SPEG: variants seen among roughly 807,000 people sequenced by gnomAD.
The protein encoded by SPEG is striated muscle enriched protein kinase.
SPEG carries 114 observed loss-of-function variants against 300.4 expected under a neutral mutation model. The observed-to-expected ratio is 0.38, with a 90% CI of 0.33 to 0.44. The LOEUF (loss-of-function observed/expected upper bound fraction) is 0.44, where lower values mean the gene tolerates loss of function less well. Ranked by LOEUF, SPEG falls within the 20% of genes least tolerant of loss-of-function variation. SPEG has a pLI of 1.00. For synonymous variants in SPEG, 1,964 were observed against 2,018.9 expected (o/e 0.97, Z 0.73); for missense variants, 4,201 against 4,586.2 (o/e 0.92, Z 2.43).
rs56132883 is a variant in SPEG, at chr2:219,489,643, C to T, written c.8625C>T (p.Phe2875=). 0.26 allele frequency: 419,221 copies of T among 1,613,708 alleles called. 56,808 individuals are homozygous for T. The highest frequency in any genetic ancestry group is 0.44 in the South Asian group (39,966 of 91,056). ...THVTPSEPKP[F]VLDTGTPIPA... is the part of the protein sequence containing the mutation. ...TCACCCCAAGTGAGCCCAAGCCTTTCGTCCTTGACACTGGGACCCCGATCC... is the reference window on the plus strand; with the variant it reads ...TCACCCCAAGTGAGCCCAAGCCTTTTGTCCTTGACACTGGGACCCCGATCC... Residue 2875 remains phenylalanine (F), a synonymous_variant, in exon 36 of 41, where the codon TTC becomes TTT. Transcript: ENST00000312358.
Position 219,464,664 on chromosome 2 carries a change from C to T in SPEG, c.2881+56C>T. On this transcript the variant is annotated intron_variant, in intron 9 of 40. Transcript: ENST00000312358. This position sits in a 1 kb window ranked among gnomAD's most constrained non-coding sequence, Gnocchi z 4.5. ...CCTGGCCCTGGCCCCTTCCTTCCCC[C>T]ACTGTCTGCTCTCACACAGCCTCAG... 6.4e-7 allele frequency: 1 copy of T among 1,557,388 alleles called. No homozygotes were observed. The highest frequency in any genetic ancestry group is 8.8e-7 in the Non-Finnish European group (1 of 1,133,822).
Position 219,481,831 on chromosome 2 carries a change from G to A in SPEG, c.5565+151G>A. The A allele has an allele frequency of 1.3e-6, 1 of 753,736 alleles. No homozygotes were observed. Among genetic ancestry groups the A allele is most frequent in the South Asian group, 1.6e-5 (1 of 64,138 alleles). 46.7% of individuals were successfully genotyped at this position (753,736 alleles called of 1,614,324 possible). A position where few individuals can be genotyped will look rare whatever the true frequency, so the allele number is the denominator to read the frequency against. On this transcript the variant is annotated intron_variant, in intron 28 of 40. Transcript: ENST00000312358. The surrounding 1 kb of genome is among the most constrained non-coding windows in gnomAD (Gnocchi z 5.4). ...ATTAGCCTCACAATAGCTTTGCAAAGGAAGGCATTATTAGTCCCATTTTGT... is the reference window on the plus strand; with the variant it reads ...ATTAGCCTCACAATAGCTTTGCAAAAGAAGGCATTATTAGTCCCATTTTGT...
rs1169654738 is a variant in SPEG at position 219,467,171 on chromosome 2, C to A, written c.2882-3C>A. ...GTGGCCCCCGTGGCTGCTTTCCCCT[C>A]AGCACACCCTGAAAGCCGGTCCCTG... On this transcript the variant is annotated splice_region_variant and splice_polypyrimidine_tract_variant and intron_variant, in intron 9 of 40. Transcript: ENST00000312358. 2 of 1,570,718 alleles carry A rather than the reference C, an allele frequency of 1.3e-6. No homozygotes were observed. The highest frequency in any genetic ancestry group is 1.2e-5 in the South Asian group (1 of 86,210).
In SPEG at chr2:219,489,574, G is replaced by A. The variant is rs756182662; in HGVS notation, c.8556G>A (p.Leu2852=). The change falls in exon 36 of 41, where the codon CTG becomes CTA. Residue 2852 remains leucine (L), a synonymous_variant. Transcript: ENST00000312358. ...PQTPPRRHRG[L]QAARPAEPTL... ...CCCCTCCACGAAGACACAGGGGCCT[G>A]CAGGCTGCCCGGCCAGCGGAGCCCA... 8.7e-6 allele frequency: 14 copies of A among 1,613,420 alleles called. No homozygotes were observed. The highest frequency in any genetic ancestry group is 1.2e-5 in the Non-Finnish European group (14 of 1,179,892).
intron 6 of SPEG, chr2:219,461,186 G>A: frequency 1.0e-6 from 1 of 982,864 alleles, no homozygotes; most frequent in Non-Finnish European, 1.2e-6. Context: ...GGCTGACTCT[G>A]GTGCCCCCCT....
chr2:219,492,155 C>T lies in SPEG; in HGVS notation c.9506C>T (p.Thr3169Met), dbSNP rs61740202. The change falls in exon 40 of 41, where the codon ACG becomes ATG. Residue 3169 changes from threonine to methionine, a missense_variant. Coordinates refer to ENST00000312358, the MANE Select transcript of SPEG (RefSeq NM_005876.5). ...TTCTATGAGCCAGACCCCCAGGAAA[C>T]GGAGGCTCGGATTGTGGGGGGCCGC... ...SPFYEPDPQE[T>M]EARIVGGRFD... 2,328 of 1,613,694 alleles carry T rather than the reference C, an allele frequency of 1.4e-3. 22 individuals are homozygous for T. In the African/African-American group the frequency reaches 0.025, roughly 17 times the overall value.
In SPEG at chr2:219,483,554, G is replaced by A. The variant is rs1448813549; in HGVS notation, c.6091G>A (p.Gly2031Ser). 3.5e-6 allele frequency: 5 copies of A among 1,434,766 alleles called. No individual in the cohort carries two copies. The highest frequency in any genetic ancestry group is 1.5e-5 in the South Asian group (1 of 68,096). The allele number at this position is 1,434,766 out of a possible 1,614,324, so 88.9% of individuals were successfully genotyped here. Residue 2031 changes from glycine to serine, a missense_variant, in exon 30 of 41, where the codon GGC (glycine) becomes AGC (serine). By Grantham distance (56) the Gly-to-Ser change is moderately conservative. Around this residue, in one of 4 missense-constraint regions of SPEG, gnomAD observed 1,578 missense variants for 1,506.0 expected, o/e 1.05. Transcript: ENST00000312358. The stretch of plus-strand genomic sequence containing the variant: ...GGCCGGGCCGCGGGAGCTGGGCCGG[G>A]GCCTGCACAAGGCGGCGTCTGTGGA... ...PRAGPRELGR[G>S]LHKAASVELP...
intron 6 of SPEG, chr2:219,461,570 T>A: frequency 8.4e-7 from 1 of 1,194,460 alleles, no homozygotes; most frequent in Non-Finnish European, 1.1e-6. Flanking sequence ...CCTGCTCCAG[T>A]GGAATTCTCC....
rs368177870 is a variant in SPEG at position 219,488,888 on chromosome 2, C to T, written c.8137C>T (p.Arg2713Trp). ...GGCACCTTGCACGTATACGCTGGAG[C>T]GGCGAGTGGATGGTGAGGATGGGGC... is the stretch of plus-strand genomic sequence containing the variant. ...SRAPCTYTLE[R>W]RVDGESVWHP... The change falls in exon 34 of 41, where the codon CGG becomes TGG. Residue 2713 changes from arginine (R) to tryptophan (W), a missense_variant. By Grantham distance (101) the Arg-to-Trp change is moderately radical (BLOSUM62 -3). This residue lies in a region of SPEG where 1,578 missense variants were observed against 1,506.0 expected (regional missense o/e 1.05). Transcript: ENST00000312358. The T allele has an allele frequency of 2.3e-5, 37 of 1,583,530 alleles. No individual in the cohort carries two copies. Among genetic ancestry groups the T allele is most frequent in the Middle Eastern group, 1.7e-4 (1 of 5,768 alleles).
At position 219,492,207 on chromosome 2, in the gene SPEG, T is replaced by A. The variant is rs747873110; in HGVS notation, c.9558T>A (p.Asn3186Lys). 6.2e-7 allele frequency: 1 copy of A among 1,613,660 alleles called. No individual in the cohort carries two copies. The highest frequency in any genetic ancestry group is 2.2e-5 in the East Asian group (1 of 44,862). ...GRFDAFQLYP[N>K]TSQSATLFLR... The stretch of plus-strand genomic sequence containing the variant: ...TTGATGCCTTCCAGCTGTACCCCAA[T>A]ACATCCCAGAGCGCCACCCTCTTCT... Residue 3186 changes from asparagine to lysine, a missense_variant, in exon 40 of 41, where the codon AAT becomes AAA. Physicochemically the swap from Asn to Lys is moderately conservative, Grantham distance 94. Around this residue, in one of 4 missense-constraint regions of SPEG, gnomAD observed 318 missense variants for 429.5 expected, o/e 0.74. Transcript: ENST00000312358.
chr2:219,457,442 G>A (rs1320026467), intron 6 of SPEG, among the ~76,000 whole-genome samples: 1 of 152,210 alleles, frequency 6.6e-6, no homozygotes, highest in Non-Finnish European at 1.5e-5. Flanking sequence ...AATTAGCCAG[G>A]TGTGGTTGTG....
Position 219,472,953 on chromosome 2 carries a change from T to A in SPEG, c.4004T>A (p.Leu1335Gln). 1.2e-6 allele frequency: 2 copies of A among 1,613,758 alleles called. No individual in the cohort carries two copies. The highest frequency in any genetic ancestry group is 1.7e-6 in the Non-Finnish European group (2 of 1,179,986). The change falls in exon 16 of 41, where the codon CTG (leucine) becomes CAG (glutamine). Residue 1335 changes from leucine (L) to glutamine (Q), a missense_variant. Physicochemically the swap from Leu to Gln is moderately radical, Grantham distance 113. Coordinates refer to ENST00000312358, the MANE Select transcript of SPEG (RefSeq NM_005876.5). ...CTGGGCTCGGACCAGTGGACGGCAC[T>A]GGTCACAGGCCTGCGGGAGCCAGGG... ...QVLGSDQWTA[L>Q]VTGLREPGWA...
At chr2:219,460,335 G>A in intron 6 of SPEG, 1 of 985,436 alleles carries the variant, frequency 1.0e-6, no homozygotes. Flanking sequence ...CCCTGGCTCT[G>A]TAGTATTTGA....
At position 219,471,907 on chromosome 2, in the gene SPEG, C is replaced by G; in HGVS notation, c.3755C>G (p.Pro1252Arg). The change falls in exon 14 of 41, where the codon CCT (proline) becomes CGT (arginine). Residue 1252 changes from proline to arginine, a missense_variant. By Grantham distance (103) the Pro-to-Arg change is moderately radical (BLOSUM62 -2). This residue lies in a region of SPEG where 1,047 missense variants were observed against 1,356.8 expected (regional missense o/e 0.77). Transcript: ENST00000312358. ...CGCTTGGTGTTCCCTGCCGTGGGGC[C>G]TCAGCACGCCGGTGTCTACAAGAGC... Reference protein sequence around the residue: ...VHRLVFPAVGPQHAGVYKSVI... With the variant: ...VHRLVFPAVGRQHAGVYKSVI... 1.2e-6 allele frequency: 2 copies of G among 1,614,108 alleles called. No homozygotes were observed. Among genetic ancestry groups the G allele is most frequent in the South Asian group, 2.2e-5 (2 of 91,086 alleles).
At chr2:219,460,709 T>C in intron 6 of SPEG, 1 of 984,154 alleles carries the variant, frequency 1.0e-6, no homozygotes. Context: ...GGGCCCAGGC[T>C]GCCTGTGGTC....
rs749904614 is a variant in SPEG at position 219,477,677 on chromosome 2, T to C, written c.4730-12T>C. On this transcript the variant is annotated splice_polypyrimidine_tract_variant and intron_variant, in intron 20 of 40. Coordinates refer to ENST00000312358, the MANE Select transcript of SPEG (RefSeq NM_005876.5). This position sits in a 1 kb window ranked among gnomAD's most constrained non-coding sequence, Gnocchi z 6.4. ...TCCCCTCCCACCTAACACCATGACA[T>C]CTCTGCCCCAGCTCAGACAGCTATG... 6.4e-7 allele frequency: 1 copy of C among 1,558,206 alleles called. No homozygotes were observed. The highest frequency in any genetic ancestry group is 1.9e-5 in the Admixed American group (1 of 53,830).
rs1691467891 is a variant in SPEG at position 219,467,388 on chromosome 2, T to G, written c.3096T>G (p.His1032Gln). The change falls in exon 10 of 41, where the codon CAT becomes CAG. Residue 1032 changes from histidine to glutamine, a missense_variant. Transcript: ENST00000312358. ...GCAAGCTGCTACTTACATCTGTACA[T>G]GAGGACGACAGTGGCGTCTACACCT... ...RKCKLLLTSV[H>Q]EDDSGVYTCK... 6.2e-7 allele frequency: 1 copy of G among 1,612,078 alleles called. No homozygotes were observed. Among genetic ancestry groups the G allele is most frequent in the Non-Finnish European group, 8.5e-7 (1 of 1,179,786 alleles).
chr2:219,478,670 G>A (rs1228441272), intron 22 of SPEG, among the ~76,000 whole-genome samples: 2 of 152,152 alleles, frequency 1.3e-5, no homozygotes, highest in Non-Finnish European at 2.9e-5. Flanking sequence ...CAGGGTGACC[G>A]TAACCTGCAC....
chr2:219,454,092 G>A (rs1689984448), intron 6 of SPEG, among the ~76,000 whole-genome samples: 1 of 152,174 alleles, frequency 6.6e-6, no homozygotes, highest in Admixed American at 6.5e-5. Context: ...TGCTGCCCCT[G>A]CCCAGTGCTA....
Sources: gnomAD v4.1 joint callset for allele counts (sites outside exome capture counted in the v4.1 genomes callset) on GRCh38, gnomAD v4.1.1 for gene constraint, gnomAD v4.1.1 regional missense constraint, Gnocchi (gnomAD v3.1) non-coding constraint, MANE v1.5 for transcripts, NCBI Gene and HGNC (gene_info 2026-07-23, HGNC 2026-07-21) for gene names.